PLCB1: variants seen among roughly 807,000 people sequenced by gnomAD.
PLCB1 encodes 1-phosphatidylinositol 4,5-bisphosphate phosphodiesterase beta-1.
PLCB1 carries 46 observed loss-of-function variants against 161.8 expected under a neutral mutation model. The ratio of observed to expected loss-of-function variants is 0.28; its 90% CI spans 0.22 to 0.36. The LOEUF is 0.36. Ranked by LOEUF, PLCB1 falls within the 10% of genes least tolerant of loss-of-function variation. The pLI is 1.00. For synonymous variants in PLCB1, 517 were observed against 503.7 expected (o/e 1.03, Z -0.35); for missense variants, 1,016 against 1,472.5 (o/e 0.69, Z 5.07).
chr20:8,266,732 T>A (rs760237456), intron 2 of PLCB1, among the ~76,000 whole-genome samples: 1 of 152,206 alleles, frequency 6.6e-6, no homozygotes, highest in Non-Finnish European at 1.5e-5. Context: ...TCATCTCATC[T>A]GCCTGTTAAG....
At chr20:8,605,730 T>C (rs942161214) in intron 3 of PLCB1, among the ~76,000 whole-genome samples, 1 of 151,938 alleles carries the variant, frequency 6.6e-6, no homozygotes, top group African/African-American at 2.4e-5. Flanking sequence ...AGGCTTCTAG[T>C]GTACCCACCA....
chr20:8,447,304 C>T (rs180770500), intron 3 of PLCB1, among the ~76,000 whole-genome samples: 41 of 152,252 alleles, frequency 2.7e-4, no homozygotes, highest in East Asian at 7.7e-4. Flanking sequence ...CATCTTCCTC[C>T]GGTGCTAGCT....
chr20:8,195,099 G>A (rs970243370), intron 2 of PLCB1, among the ~76,000 whole-genome samples: 17 of 152,106 alleles, frequency 1.1e-4, no homozygotes, highest in African/African-American at 4.1e-4. Context: ...TAAGTAGAAA[G>A]TAGAAATAAT....
chr20:8,178,150 A>G (rs933033268), intron 2 of PLCB1, among the ~76,000 whole-genome samples: 21 of 152,204 alleles, frequency 1.4e-4, no homozygotes, highest in African/African-American at 2.9e-4. Context: ...TAGTGCTGCA[A>G]TGAACATACA....
intron 9 of PLCB1, among the ~76,000 whole-genome samples, chr20:8,676,531 A>G (rs1990080856): frequency 6.6e-6 from 1 of 152,228 alleles, no homozygotes; most frequent in African/African-American, 2.4e-5. Flanking sequence ...ATCTTGCTCT[A>G]GAATGCTGGC....
intron 3 of PLCB1, among the ~76,000 whole-genome samples, chr20:8,535,202 CAAAAA>C (rs11323420): frequency 2.3e-4 from 12 of 52,800 alleles, no homozygotes; most frequent in African/African-American, 6.9e-4. Flanking sequence ...AGTTTATGGG[CAAAAA>C]AAAAAAAAAA....
chr20:8,339,836 G>C (rs770595224), intron 2 of PLCB1, among the ~76,000 whole-genome samples: 3 of 152,190 alleles, frequency 2.0e-5, no homozygotes, highest in Non-Finnish European at 4.4e-5. Flanking sequence ...AGGCACTGTG[G>C]CTCATGCCTG....
At position 8,803,453 on chromosome 20, in the gene PLCB1, T is replaced by C. The variant is rs186673806; in HGVS notation, c.3423+13192T>C. Among the ~76,000 whole-genome samples the C allele has an allele frequency of 2.1e-5, 3 of 143,538 alleles. No homozygotes were observed. In the Admixed American group the frequency reaches 2.2e-4, roughly 10 times the overall value. 94.2% of individuals were successfully genotyped at this position (143,538 alleles called of 152,430 possible). ...TTGATTTTTTTTTTTTTTTTTCTAC[T>C]GCCTGTAACACTAGAAAGAGGGACA... On this transcript the variant is annotated intron_variant, in intron 31 of 31. Transcript: ENST00000338037.
At chr20:8,622,368 A>G (rs1207698099) in intron 3 of PLCB1, among the ~76,000 whole-genome samples, 1 of 152,150 alleles carries the variant, frequency 6.6e-6, no homozygotes, top group African/African-American at 2.4e-5. Context: ...CTTATTTCCT[A>G]TAATCACTTC....
intron 17 of PLCB1, 60 bp from the exon 18 acceptor site, chr20:8,728,990 G>A (rs1016376649): frequency 1.4e-5 from 16 of 1,181,704 alleles, no homozygotes; most frequent in Non-Finnish European, 1.8e-5. Context: ...TAGCTTCTTA[G>A]TTACTATTAT....
chr20:8,653,264 A>C lies in PLCB1; in HGVS notation c.594+3815A>C, dbSNP rs181051513. The C allele has an allele frequency of 7.9e-5, 12 of 152,252 alleles. No homozygotes were observed. The East Asian group carries it at 2.1e-3, about 27-fold the overall frequency. The allele number at this position is 152,252 out of a possible 1,614,324, so 9.4% of individuals were successfully genotyped here. A position where few individuals can be genotyped will look rare whatever the true frequency, so the allele number is the denominator to read the frequency against. ...AAATTTGAAGAATTGTATAAATTTTACTAAATACTATGAATAAAATGTATA... is the reference window on the plus strand; with the variant it reads ...AAATTTGAAGAATTGTATAAATTTTCCTAAATACTATGAATAAAATGTATA... On this transcript the variant is annotated intron_variant, in intron 7 of 31. Coordinates refer to ENST00000338037, the MANE Select transcript of PLCB1 (RefSeq NM_015192.4).
intron 23 of PLCB1, among the ~76,000 whole-genome samples, chr20:8,743,982 TTAAAGG>T (rs1260542732): frequency 4.6e-5 from 7 of 152,184 alleles, no homozygotes; most frequent in Non-Finnish European, 7.3e-5. Context: ...TAAACTATAA[TTAAAGG>T]TAAAGATAAT....
chr20:8,669,070 C>G (rs1164879861), intron 9 of PLCB1, among the ~76,000 whole-genome samples: 1 of 152,082 alleles, frequency 6.6e-6, no homozygotes, highest in Non-Finnish European at 1.5e-5. Flanking sequence ...TCTCAAGGAG[C>G]CTATAATTAC....
intron 2 of PLCB1, among the ~76,000 whole-genome samples, chr20:8,265,313 G>A (rs1313166113): frequency 1.3e-5 from 2 of 152,134 alleles, no homozygotes. Flanking sequence ...TGAAAGCACT[G>A]GGATAGTTGT....
At chr20:8,739,226 C>A in intron 20 of PLCB1, 35 bp from the exon 21 acceptor site, 1 of 1,187,524 alleles carries the variant, frequency 8.4e-7, no homozygotes, top group Non-Finnish European at 1.3e-6. Flanking sequence ...ATTGTTCATT[C>A]TTATAACCAG....
chr20:8,575,985 C>T (rs927027471), intron 3 of PLCB1, among the ~76,000 whole-genome samples: 4 of 152,146 alleles, frequency 2.6e-5, no homozygotes, highest in African/African-American at 9.7e-5. Flanking sequence ...GTCATAAGTA[C>T]TCTAGACCAA....
At chr20:8,526,615 A>G (rs1984594567) in intron 3 of PLCB1, among the ~76,000 whole-genome samples, 1 of 152,118 alleles carries the variant, frequency 6.6e-6, no homozygotes, top group Admixed American at 6.6e-5. Flanking sequence ...TATTTAGCGT[A>G]AGAGTAGTCT....
At chr20:8,265,271 A>G (rs990217786) in intron 2 of PLCB1, among the ~76,000 whole-genome samples, 3 of 152,204 alleles carry the variant, frequency 2.0e-5, no homozygotes, top group African/African-American at 7.2e-5. Context: ...GTGAATGCAT[A>G]TAAAAAAACA....
chr20:8,527,892 A>C (rs1202650367), intron 3 of PLCB1, among the ~76,000 whole-genome samples: 1 of 152,042 alleles, frequency 6.6e-6, no homozygotes, highest in Non-Finnish European at 1.5e-5. Context: ...TCCCACCCCT[A>C]GTTTCTCTAT....
Sources: allele counts gnomAD v4.1 joint callset (sites outside exome capture counted in the v4.1 genomes callset), GRCh38; gene constraint gnomAD v4.1.1; transcripts MANE v1.5; gene names NCBI Gene and HGNC (gene_info 2026-07-23, HGNC 2026-07-21).